CIB4: variants seen among roughly 807,000 people sequenced by gnomAD.
CIB4 encodes calcium and integrin-binding family member 4.
Under a neutral mutation model 25.8 loss-of-function variants are expected in CIB4, and 25 were observed. The ratio of observed to expected loss-of-function variants is 0.97; its 90% CI spans 0.71 to 1.35. The LOEUF (loss-of-function observed/expected upper bound fraction) is 1.35. Ranked by LOEUF, CIB4 falls within the 40% of genes most tolerant of loss-of-function variation. CIB4 has a pLI of 0.00. For missense variants in CIB4, 235 were observed against 228.2 expected (o/e 1.03, Z -0.19); for synonymous variants, 75 against 81.4 (o/e 0.92, Z 0.42).
intron 3 of CIB4, among the ~76,000 whole-genome samples, chr2:26,606,058 G>A (rs1429731520): frequency 2.0e-5 from 3 of 152,288 alleles, no homozygotes; most frequent in East Asian, 1.9e-4. Context: ...GGGGGAGGGC[G>A]AATGATGTGG....
At chr2:26,628,954 G>C (rs1018205011) in intron 3 of CIB4, among the ~76,000 whole-genome samples, 11 of 152,306 alleles carry the variant, frequency 7.2e-5, no homozygotes, top group African/African-American at 2.6e-4. Context: ...AAACTGGCTG[G>C]TGTGGGGTCA....
At chr2:26,589,347 G>T (rs1404912370) in intron 4 of CIB4, among the ~76,000 whole-genome samples, 1 of 149,950 alleles carries the variant, frequency 6.7e-6, no homozygotes, top group Admixed American at 6.7e-5. Context: ...TTGAGACAGA[G>T]TCTCACTCTT....
At chr2:26,583,717 C>T (rs1474773370) in intron 5 of CIB4, 72 bp downstream of exon 5, 7 of 1,000,652 alleles carry the variant, frequency 7.0e-6, no homozygotes, top group Non-Finnish European at 9.6e-6. Flanking sequence ...GGCCTGACAT[C>T]CGGGGGCTTT....
At chr2:26,586,005 G>A (rs1171190431) in intron 4 of CIB4, among the ~76,000 whole-genome samples, 1 of 152,044 alleles carries the variant, frequency 6.6e-6, no homozygotes, top group East Asian at 1.9e-4. Context: ...ACAGGCGATG[G>A]GTTGGCAAAT....
chr2:26,625,969 C>T (rs1261888852), intron 3 of CIB4, among the ~76,000 whole-genome samples: 1 of 152,144 alleles, frequency 6.6e-6, no homozygotes, highest in Admixed American at 6.5e-5. Flanking sequence ...GCCAGTTCTC[C>T]CAGCATCATT....
chr2:26,640,227 T>C (rs1418150400), intron 2 of CIB4, among the ~76,000 whole-genome samples: 1 of 152,238 alleles, frequency 6.6e-6, no homozygotes, highest in African/African-American at 2.4e-5. Flanking sequence ...GTCCTTTCCT[T>C]GTTCTCCTCA....
chr2:26,587,245 G>GCAGT (rs957459403), intron 4 of CIB4, among the ~76,000 whole-genome samples: 5 of 135,052 alleles, frequency 3.7e-5, no homozygotes, highest in Non-Finnish European at 1.5e-5. Context: ...GGCAGAGCTT[G>GCAGT]CAGTGAGTGA....
chr2:26,615,151 A>G (rs749327052), intron 3 of CIB4, among the ~76,000 whole-genome samples: 2 of 152,190 alleles, frequency 1.3e-5, no homozygotes, highest in African/African-American at 2.4e-5. Flanking sequence ...TTTCTCCTCC[A>G]TGAACTGGAG....
chr2:26,597,441 A>G (rs967005598), intron 3 of CIB4, among the ~76,000 whole-genome samples: 9 of 151,870 alleles, frequency 5.9e-5, no homozygotes, highest in Non-Finnish European at 1.3e-4. Context: ...AAAAAAAAAA[A>G]CTGAACTAGA....
chr2:26,636,283 G>A (rs970107564), intron 2 of CIB4, among the ~76,000 whole-genome samples: 147 of 152,182 alleles, frequency 9.7e-4, no homozygotes, highest in African/African-American at 3.0e-3. Context: ...GAGTTCCCTA[G>A]TGCAACATGA....
intron 6 of CIB4, 111 bp from the exon 7 acceptor site, chr2:26,581,504 C>T: frequency 9.3e-7 from 1 of 1,074,794 alleles, no homozygotes; most frequent in Non-Finnish European, 1.4e-6. Context: ...ATCTCGTGTC[C>T]CTTTCTCTGG....
At chr2:26,623,742 G>C (rs72857979) in intron 3 of CIB4, 8,870 of 322,320 alleles carry the variant, frequency 0.028, 624 homozygotes, top group African/African-American at 0.16. Flanking sequence ...AGGCCAGGGG[G>C]GTGAGGTGGC....
In CIB4 at chr2:26,639,797, G is replaced by A. The variant is rs540466395; in HGVS notation, c.89+736C>T. 3.9e-5 allele frequency among the ~76,000 whole-genome samples: 6 copies of A among 152,068 alleles called. No homozygotes were observed. The South Asian group carries it at 1.3e-3, about 32-fold the overall frequency. ...TGGTGACTGGGGAGGGTTAGTCCAAGCAAAGATGATGAGAGGGAACCTTCC... is the reference window on the plus strand; with the variant it reads ...TGGTGACTGGGGAGGGTTAGTCCAAACAAAGATGATGAGAGGGAACCTTCC... On this transcript the variant is annotated intron_variant, in intron 2 of 6. Coordinates refer to ENST00000288861, the MANE Select transcript of CIB4 (RefSeq NM_001029881.3).
chr2:26,591,423 G>A (rs1668583814), intron 4 of CIB4, among the ~76,000 whole-genome samples: 1 of 152,214 alleles, frequency 6.6e-6, no homozygotes, highest in East Asian at 1.9e-4. Context: ...CCCACAGAGA[G>A]AGGCAGAGAT....
At chr2:26,637,779 C>T (rs1473464050) in intron 2 of CIB4, among the ~76,000 whole-genome samples, 1 of 152,186 alleles carries the variant, frequency 6.6e-6, no homozygotes, top group Non-Finnish European at 1.5e-5. Context: ...TCCACATTCT[C>T]AGCTGCTTCC....
chr2:26,626,948 G>T (rs1354155424), intron 3 of CIB4, among the ~76,000 whole-genome samples: 1 of 152,178 alleles, frequency 6.6e-6, no homozygotes, highest in Non-Finnish European at 1.5e-5. Flanking sequence ...CCCAGCACAA[G>T]GTGTTCATAT....
At chr2:26,637,252 C>T (rs75128211) in intron 2 of CIB4, among the ~76,000 whole-genome samples, 2 of 152,258 alleles carry the variant, frequency 1.3e-5, no homozygotes, top group South Asian at 4.1e-4. Context: ...TTTGGAGGTT[C>T]CTGAGCCTTT....
chr2:26,600,653 AG>A (rs1668764574), intron 3 of CIB4, among the ~76,000 whole-genome samples: 1 of 152,188 alleles, frequency 6.6e-6, no homozygotes, highest in Non-Finnish European at 1.5e-5. Context: ...TTAGGTGAGC[AG>A]AGCCCATGTC....
chr2:26,622,234 A>T (rs1169469836), intron 3 of CIB4, among the ~76,000 whole-genome samples: 2 of 152,018 alleles, frequency 1.3e-5, no homozygotes, highest in Non-Finnish European at 2.9e-5. Context: ...GGTGGCGGGC[A>T]CCTGTAATCC....
Sources: allele counts gnomAD v4.1 joint callset (sites outside exome capture counted in the v4.1 genomes callset), GRCh38; gene constraint gnomAD v4.1.1; transcripts MANE v1.5; gene names NCBI Gene and HGNC (gene_info 2026-07-23, HGNC 2026-07-21).